MACROD2: variants seen among roughly 807,000 people sequenced by gnomAD.
MACROD2 encodes mono-ADP ribosylhydrolase 2, also known as ADP-ribose glycohydrolase MACROD2.
A neutral mutation model predicts 70.4 loss-of-function variants in MACROD2; 36 were observed. The ratio of observed to expected loss-of-function variants is 0.51; its 90% CI spans 0.39 to 0.68. The LOEUF (loss-of-function observed/expected upper bound fraction) is 0.68. Ranked by LOEUF, MACROD2 falls within the 30% of genes least tolerant of loss-of-function variation. The pLI is 0.00. For synonymous variants in MACROD2, 172 were observed against 178.8 expected, an observed-to-expected ratio of 0.96 and a Z score of 0.30; for missense variants, 496 against 538.4, an observed-to-expected ratio of 0.92 and a Z score of 0.78.
chr20:14,423,482 G>T (rs1246049187), intron 3 of MACROD2, among the ~76,000 whole-genome samples: 2 of 151,578 alleles, frequency 1.3e-5, no homozygotes, highest in Admixed American at 6.6e-5. Flanking sequence ...GGCGGATCAC[G>T]AGGTCAGGAG....
intron 5 of MACROD2, among the ~76,000 whole-genome samples, chr20:14,754,324 T>C (rs757116710): frequency 5.9e-5 from 9 of 152,260 alleles, no homozygotes; most frequent in Non-Finnish European, 1.3e-4. Context: ...CTGAGCTTTT[T>C]CTAATTTCTT....
At chr20:15,527,972 G>C (rs983587948) in intron 8 of MACROD2, among the ~76,000 whole-genome samples, 16 of 152,176 alleles carry the variant, frequency 1.1e-4, no homozygotes, top group African/African-American at 3.9e-4. Flanking sequence ...GTATTATAAA[G>C]ACAAGGATTT....
intron 5 of MACROD2, among the ~76,000 whole-genome samples, chr20:14,752,318 C>A (rs1269284985): frequency 6.6e-6 from 1 of 151,992 alleles, no homozygotes; most frequent in Non-Finnish European, 1.5e-5. Flanking sequence ...CTCTTGTACC[C>A]CCAGACTTCT....
intron 8 of MACROD2, among the ~76,000 whole-genome samples, chr20:15,696,796 C>A (rs1210836619): frequency 1.3e-5 from 2 of 149,738 alleles, no homozygotes; most frequent in Non-Finnish European, 3.0e-5. Context: ...TGTATTTTTC[C>A]AAGAATTTAT....
chr20:15,619,290 C>T (rs905870809), intron 8 of MACROD2, among the ~76,000 whole-genome samples: 4 of 152,218 alleles, frequency 2.6e-5, no homozygotes, highest in African/African-American at 9.6e-5. Flanking sequence ...AAACTATCAA[C>T]TATAAACTAC....
intron 7 of MACROD2, among the ~76,000 whole-genome samples, chr20:15,495,641 A>C (rs1161137349): frequency 6.6e-6 from 1 of 152,210 alleles, no homozygotes; most frequent in African/African-American, 2.4e-5. Context: ...ACACCTAGTT[A>C]TTGATCATTC....
chr20:15,725,084 AAAAC>A (rs964167193), intron 8 of MACROD2, among the ~76,000 whole-genome samples: 5 of 152,168 alleles, frequency 3.3e-5, no homozygotes, highest in African/African-American at 1.2e-4. Context: ...TCCATCTCAA[AAAAC>A]AAACAAACAA....
intron 8 of MACROD2, among the ~76,000 whole-genome samples, chr20:15,799,265 C>A (rs1237564326): frequency 1.3e-5 from 2 of 152,188 alleles, no homozygotes; most frequent in African/African-American, 4.8e-5. Context: ...ATATCCCTCA[C>A]CTCAAGCGTT....
chr20:15,491,431 C>G (rs997270924), intron 7 of MACROD2, among the ~76,000 whole-genome samples: 4 of 152,158 alleles, frequency 2.6e-5, no homozygotes, highest in African/African-American at 9.7e-5. Context: ...TTTGACTACC[C>G]CCAAAAAGCA....
At chr20:14,113,644 G>T (rs531772712) in intron 3 of MACROD2, among the ~76,000 whole-genome samples, 2 of 152,008 alleles carry the variant, frequency 1.3e-5, no homozygotes, top group African/African-American at 4.8e-5. Flanking sequence ...AATCCAGTTC[G>T]TTTGGCAACT....
At position 14,992,347 on chromosome 20, in the gene MACROD2, GAAGCTAGTTA is replaced by G. The variant is rs550346692; in HGVS notation, c.419-237590_419-237581del. Among the ~76,000 whole-genome samples the G allele has an allele frequency of 1.2e-4, 18 of 152,306 alleles. No homozygotes were observed. In the South Asian group the frequency reaches 3.5e-3, roughly 30 times the overall value. ...GTAGGTGTTGTAACACATCTGCCTAGAAGCTAGTTAAAATGCATGTTGTTCTTATATTTCA... is the reference window on the plus strand; with the variant it reads ...GTAGGTGTTGTAACACATCTGCCTAGAAATGCATGTTGTTCTTATATTTCA... On this transcript the variant is annotated intron_variant, in intron 5 of 17. Coordinates refer to ENST00000684519, the MANE Select transcript of MACROD2 (RefSeq NM_001351661.2).
At chr20:15,191,165 G>A (rs1352652881) in intron 5 of MACROD2, among the ~76,000 whole-genome samples, 2 of 152,202 alleles carry the variant, frequency 1.3e-5, no homozygotes, top group Non-Finnish European at 2.9e-5. Flanking sequence ...TTTCCACTGA[G>A]GTTCCTCTGG....
intron 4 of MACROD2, among the ~76,000 whole-genome samples, chr20:14,639,456 A>T (rs1235475507): frequency 6.6e-6 from 1 of 152,110 alleles, no homozygotes; most frequent in Non-Finnish European, 1.5e-5. Context: ...GGCTAGGGAA[A>T]TTCTTTTAAT....
At chr20:14,428,844 T>C (rs1215929835) in intron 3 of MACROD2, among the ~76,000 whole-genome samples, 1 of 152,304 alleles carries the variant, frequency 6.6e-6, no homozygotes, top group East Asian at 1.9e-4. Context: ...TTTTTTATTG[T>C]ATAGCCGAAT....
intron 3 of MACROD2, among the ~76,000 whole-genome samples, chr20:14,233,382 A>T (rs6042601): frequency 0.97 from 147,512 of 152,216 alleles, 71,492 homozygotes; most frequent in Admixed American, 0.99. Flanking sequence ...GGTATGCCTG[A>T]CTTATTTAGT....
At chr20:14,934,199 C>T (rs2074320684) in intron 5 of MACROD2, among the ~76,000 whole-genome samples, 1 of 152,140 alleles carries the variant, frequency 6.6e-6, no homozygotes, top group African/African-American at 2.4e-5. Flanking sequence ...GCCCTTCTGG[C>T]CCTTCCAGGA....
intron 3 of MACROD2, among the ~76,000 whole-genome samples, chr20:14,314,788 AT>A (rs1476944866): frequency 1.3e-5 from 2 of 151,856 alleles, no homozygotes; most frequent in African/African-American, 4.8e-5. Flanking sequence ...AAATAAATAA[AT>A]AAATAAAATT....
intron 4 of MACROD2, among the ~76,000 whole-genome samples, chr20:14,627,664 T>G (rs1181904773): frequency 1.3e-5 from 2 of 152,330 alleles, no homozygotes; most frequent in Non-Finnish European, 2.9e-5. Context: ...TCAGTGAAGT[T>G]AATATGTTTT....
At chr20:14,515,959 T>C (rs1402583588) in intron 4 of MACROD2, among the ~76,000 whole-genome samples, 1 of 147,900 alleles carries the variant, frequency 6.8e-6, no homozygotes, top group East Asian at 1.9e-4. Context: ...ACATTATATA[T>C]TATATAATAT....
Sources: gnomAD v4.1 joint callset for allele counts (sites outside exome capture counted in the v4.1 genomes callset) on GRCh38, gnomAD v4.1.1 for gene constraint, MANE v1.5 for transcripts, NCBI Gene and HGNC (gene_info 2026-07-23, HGNC 2026-07-21) for gene names.